The following DLGAP1 variants were observed in gnomAD, a reference collection of about 807,000 sequenced individuals.
DLGAP1 encodes disks large-associated protein 1.
In DLGAP1, 11 loss-of-function variants were observed where a neutral mutation model predicts 90.8. The observed-to-expected ratio is 0.12, with a 90% CI of 0.08 to 0.20. DLGAP1 has a LOEUF of 0.20. Ranked by LOEUF, DLGAP1 falls within the 10% of genes least tolerant of loss-of-function variation. The probability of loss-of-function intolerance (pLI) is 1.00; values close to 1 mark genes in which losing one functional copy is unlikely to be tolerated. For missense variants in DLGAP1, 1,050 were observed against 1,333.8 expected (o/e 0.79, Z 3.31); for synonymous variants, 558 against 540.7 (o/e 1.03, Z -0.44).
chr18:4,195,077 A>G (rs980516310), intron 1 of DLGAP1, among the ~76,000 whole-genome samples: 3 of 152,214 alleles, frequency 2.0e-5, no homozygotes, highest in Non-Finnish European at 4.4e-5. Context: ...TTTGAAGAAA[A>G]AAAACCCAAA....
chr18:3,779,385 GT>G (rs944827410), intron 5 of DLGAP1, among the ~76,000 whole-genome samples: 1 of 152,030 alleles, frequency 6.6e-6, no homozygotes, highest in Non-Finnish European at 1.5e-5. Context: ...CCAGCAATCA[GT>G]TTTTTCCCCA....
At chr18:4,001,394 T>A (rs796396415) in intron 3 of DLGAP1, among the ~76,000 whole-genome samples, 8 of 152,292 alleles carry the variant, frequency 5.3e-5, no homozygotes, top group African/African-American at 1.9e-4. Context: ...TTTGCAAATC[T>A]TTCTGGCATG....
chr18:3,927,074 T>C (rs956337870), intron 3 of DLGAP1, among the ~76,000 whole-genome samples: 3 of 152,088 alleles, frequency 2.0e-5, no homozygotes, highest in East Asian at 3.9e-4. Flanking sequence ...ACTAAATAAA[T>C]AAATGAGAGA....
At chr18:4,332,914 T>G (rs1428983204) in intron 1 of DLGAP1, among the ~76,000 whole-genome samples, 1 of 151,910 alleles carries the variant, frequency 6.6e-6, no homozygotes, top group Non-Finnish European at 1.5e-5. Context: ...AAAAATCGAG[T>G]TTAAAACTAA....
In DLGAP1 at chr18:4,269,354, A is replaced by ATTTTT. The variant is rs202021108; in HGVS notation, c.-266-118072_-266-118068dup. On this transcript the variant is annotated intron_variant, in intron 1 of 12. Coordinates refer to ENST00000315677, the MANE Select transcript of DLGAP1 (RefSeq NM_004746.4). ...TATACATATATATATATATATATAT[A>ATTTTT]TTTTTTTTTTTCTTTTTGAGACGGA... Among the ~76,000 whole-genome samples, 135 of 132,108 alleles carry ATTTTT rather than the reference A, an allele frequency of 1.0e-3. 1 individual carries two copies. Among genetic ancestry groups the ATTTTT allele is most frequent in the East Asian group, 2.4e-3 (11 of 4,614 alleles). The allele number at this position is 132,108 out of a possible 152,430, so 86.7% of individuals were successfully genotyped here. A position where few individuals can be genotyped will look rare whatever the true frequency, so the allele number is the denominator to read the frequency against.
intron 3 of DLGAP1, among the ~76,000 whole-genome samples, chr18:3,982,119 T>C (rs1184758536): frequency 6.6e-6 from 1 of 152,116 alleles, no homozygotes; most frequent in Non-Finnish European, 1.5e-5. Flanking sequence ...AAGATCTTCA[T>C]GGAATGGAAA....
intron 1 of DLGAP1, among the ~76,000 whole-genome samples, chr18:4,374,230 C>T (rs1254750116): frequency 6.6e-6 from 1 of 152,060 alleles, no homozygotes; most frequent in Non-Finnish European, 1.5e-5. Flanking sequence ...TGGAACAATG[C>T]TTCCAAAATT....
intron 9 of DLGAP1, among the ~76,000 whole-genome samples, chr18:3,537,588 T>C (rs114970550): frequency 0.015 from 2,254 of 152,316 alleles, 34 homozygotes; most frequent in African/African-American, 0.036. Flanking sequence ...TACAGATAAC[T>C]CTTTGAGTCA....
rs1200940079 is a variant in DLGAP1 at position 3,727,467 on chromosome 18, G to A, written c.1591+1668C>T. On this transcript the variant is annotated intron_variant, in intron 7 of 12. Transcript: ENST00000315677. This position sits in a 1 kb window ranked among gnomAD's most constrained non-coding sequence, Gnocchi z 4.7. ...TTCCTTCCCGACTGTTCTCCTGAGA[G>A]CACCCCTTGTGACTTCTGGGCCAGG... 6.6e-6 allele frequency among the ~76,000 whole-genome samples: 1 copy of A among 152,186 alleles called. No homozygotes were observed. The highest frequency in any genetic ancestry group is 2.4e-5 in the African/African-American group (1 of 41,440).
intron 10 of DLGAP1, among the ~76,000 whole-genome samples, chr18:3,531,912 G>A (rs1237772561): frequency 6.6e-6 from 1 of 152,118 alleles, no homozygotes; most frequent in East Asian, 1.9e-4. Context: ...CTAGAGTGCA[G>A]TGGCACAGTC....
chr18:3,944,481 G>A (rs1236393254), intron 3 of DLGAP1, among the ~76,000 whole-genome samples: 3 of 152,090 alleles, frequency 2.0e-5, no homozygotes, highest in Non-Finnish European at 4.4e-5. Flanking sequence ...TCCAGCCTGG[G>A]CTATAGACAG....
intron 2 of DLGAP1, among the ~76,000 whole-genome samples, chr18:4,089,988 T>A (rs9973050): frequency 0.033 from 5,026 of 152,102 alleles, 313 homozygotes; most frequent in African/African-American, 0.11. Flanking sequence ...GAGTTTGCAG[T>A]GAGCCAAGAT....
chr18:4,064,157 CT>C (rs201305752), intron 2 of DLGAP1, among the ~76,000 whole-genome samples: 8 of 151,406 alleles, frequency 5.3e-5, no homozygotes, highest in Admixed American at 2.0e-4. Context: ...TAGGTTTTGT[CT>C]TTTTTTTTCC....
chr18:3,644,881 C>G (rs1167998096), intron 7 of DLGAP1, among the ~76,000 whole-genome samples: 8 of 151,910 alleles, frequency 5.3e-5, no homozygotes, highest in African/African-American at 1.9e-4. Context: ...GGAAATATTA[C>G]TAAGACATAT....
At chr18:3,897,209 C>T (rs2071647405) in intron 3 of DLGAP1, 1 of 152,118 alleles carries the variant, frequency 6.6e-6, no homozygotes, top group Admixed American at 6.5e-5. Flanking sequence ...CATTTCTGCC[C>T]CTACAAAGCC....
chr18:4,428,496 T>C lies in DLGAP1; in HGVS notation c.-267+26510A>G, dbSNP rs1598405749. 5.3e-5 allele frequency among the ~76,000 whole-genome samples: 8 copies of C among 152,170 alleles called. No individual in the cohort carries two copies. The South Asian group carries it at 1.7e-3, about 32-fold the overall frequency. ...ACTTGGGAGGCTGAGCCATGAGAAA[T>C]GCTTGAACCTGGGAGGCGAAGGTTG... is the stretch of plus-strand genomic sequence containing the variant. On this transcript the variant is annotated intron_variant, in intron 1 of 12. Transcript: ENST00000315677.
chr18:4,099,568 T>A (rs1316794498), intron 2 of DLGAP1, among the ~76,000 whole-genome samples: 1 of 152,222 alleles, frequency 6.6e-6, no homozygotes, highest in African/African-American at 2.4e-5. Flanking sequence ...AAAATGCTAA[T>A]GATCATCTGA....
chr18:3,747,772 A>G (rs1162292507), intron 5 of DLGAP1, among the ~76,000 whole-genome samples: 1 of 152,236 alleles, frequency 6.6e-6, no homozygotes, highest in Non-Finnish European at 1.5e-5. Flanking sequence ...AAGGAATTGA[A>G]TAGTTCTTCT....
At chr18:4,328,001 A>G (rs183449955) in intron 1 of DLGAP1, among the ~76,000 whole-genome samples, 1 of 150,268 alleles carries the variant, frequency 6.7e-6, no homozygotes, top group Non-Finnish European at 1.5e-5. Context: ...GAATTGTCAT[A>G]AATCCCCTAC....
Sources: allele counts gnomAD v4.1 joint callset (sites outside exome capture counted in the v4.1 genomes callset), GRCh38; gene constraint gnomAD v4.1.1; non-coding constraint Gnocchi (gnomAD v3.1); transcripts MANE v1.5; gene names NCBI Gene and HGNC (gene_info 2026-07-23, HGNC 2026-07-21).